Variants in PCDHA2 observed in about 807,000 individuals in gnomAD.
PCDHA2 encodes the protein protocadherin alpha 2.
In PCDHA2, 58 loss-of-function variants were observed where a neutral mutation model predicts 66.0. That is an observed-to-expected ratio of 0.88 (90% CI 0.71 to 1.09). PCDHA2 has a LOEUF of 1.09. Among genes scored for constraint, PCDHA2 ranks in the 50% least tolerant of loss-of-function variants. PCDHA2 has a pLI of 0.00. For missense variants in PCDHA2, 1,267 were observed against 1,242.3 expected, an observed-to-expected ratio of 1.02 and a Z score of -0.30; for synonymous variants, 634 against 554.0, an observed-to-expected ratio of 1.14 and a Z score of -2.03.
chr5:140,919,609 CT>C (rs2079218169), intron 1 of PCDHA2, among the ~76,000 whole-genome samples: 2 of 151,908 alleles, frequency 1.3e-5, no homozygotes, highest in South Asian at 4.1e-4. Flanking sequence ...AAATTTTAAA[CT>C]GTATCTTTTG....
rs188762939 is a variant in PCDHA2 at position 140,839,461 on chromosome 5, C to T, written c.2388+42109C>T. Among the ~76,000 whole-genome samples, 181 of 152,038 alleles carry T rather than the reference C, an allele frequency of 1.2e-3. 3 individuals carry two copies. Among genetic ancestry groups the T allele is most frequent in the Middle Eastern group, 3.4e-3 (1 of 294 alleles). On this transcript the variant is annotated intron_variant, in intron 1 of 3. Transcript: ENST00000526136. The stretch of plus-strand genomic sequence containing the variant: ...CTGCAGTGCAGTGGCACAATCTGGG[C>T]TTACTGCAATCTCTGCCTCCTGGGC...
intron 1 of PCDHA2, among the ~76,000 whole-genome samples, chr5:140,964,342 C>T (rs2095825714): frequency 6.6e-6 from 1 of 152,184 alleles, no homozygotes; most frequent in Non-Finnish European, 1.5e-5. Context: ...TGGCAGGTGT[C>T]CTTGCTGGAA....
intron 1 of PCDHA2, among the ~76,000 whole-genome samples, chr5:140,964,114 C>T (rs1227257943): frequency 6.6e-6 from 1 of 151,992 alleles, no homozygotes; most frequent in Non-Finnish European, 1.5e-5. Context: ...TGAGCAATCA[C>T]ATTCTAACAA....
rs782443070 is a variant in PCDHA2, at chr5:140,797,021, C to T, written c.2057C>T (p.Ala686Val). The T allele has an allele frequency of 1.9e-6, 3 of 1,613,716 alleles. No homozygotes were observed. The highest frequency in any genetic ancestry group is 2.5e-6 in the Non-Finnish European group (3 of 1,179,974). Residue 686 changes from alanine to valine, a missense_variant, in exon 1 of 4, where the codon GCC becomes GTC. Physicochemically the swap from Ala to Val is moderately conservative, Grantham distance 64. Coordinates refer to ENST00000526136, the MANE Select transcript of PCDHA2 (RefSeq NM_018905.3). ...PKASSRAWVG[A>V]AGSEATLVDV... ...GCCTCGTCGCGGGCGTGGGTGGGCG[C>T]CGCGGGCTCAGAGGCTACGCTGGTG...
chr5:140,850,235 G>C (rs2041450021), intron 1 of PCDHA2: 1 of 1,593,876 alleles, frequency 6.3e-7, no homozygotes, highest in African/African-American at 1.3e-5. Flanking sequence ...TGAGCGAGAT[G>C]GTGCTGCGGT....
intron 1 of PCDHA2, among the ~76,000 whole-genome samples, chr5:140,955,549 C>T (rs1216178805): frequency 6.6e-6 from 1 of 152,140 alleles, no homozygotes; most frequent in Non-Finnish European, 1.5e-5. Context: ...TTCTTGAGGC[C>T]TCCCCAGCCA....
In PCDHA2 at chr5:141,010,341, T is replaced by C. The variant is rs199826290; in HGVS notation, c.*404T>C. ...GAGCAGCTTGGGAGTTTGTGGCCAC[T>C]GGGTATGTGTGGCTACCGCGGGTAT... is the stretch of plus-strand genomic sequence containing the variant. On this transcript the variant is annotated 3_prime_UTR_variant, in exon 4 of 4. Coordinates refer to ENST00000526136, the MANE Select transcript of PCDHA2 (RefSeq NM_018905.3). 1 of 1,503,238 alleles carries C rather than the reference T, an allele frequency of 6.7e-7. No homozygotes were observed. The highest frequency in any genetic ancestry group is 8.9e-7 in the Non-Finnish European group (1 of 1,119,606). The allele number at this position is 1,503,238 out of a possible 1,614,324, so 93.1% of individuals were successfully genotyped here. A position where few individuals can be genotyped will look rare whatever the true frequency, so the allele number is the denominator to read the frequency against.
In PCDHA2 at chr5:141,011,200, A is replaced by C. The variant is rs1242625146; in HGVS notation, c.*1263A>C. 6.5e-6 allele frequency: 1 copy of C among 153,774 alleles called. No individual in the cohort carries two copies. Among genetic ancestry groups the C allele is most frequent in the Non-Finnish European group, 1.5e-5 (1 of 68,036 alleles). The allele number at this position is 153,774 out of a possible 1,614,324, so 9.5% of individuals were successfully genotyped here. ...AATTGAAGAAAAATATTGTTTTCTCATACAGTGAGCAGATTTTTCAATCTA... is the reference window on the plus strand; with the variant it reads ...AATTGAAGAAAAATATTGTTTTCTCCTACAGTGAGCAGATTTTTCAATCTA... On this transcript the variant is annotated 3_prime_UTR_variant, in exon 4 of 4. Transcript: ENST00000526136.
At chr5:140,964,783 A>C (rs2095854085) in intron 1 of PCDHA2, among the ~76,000 whole-genome samples, 1 of 152,018 alleles carries the variant, frequency 6.6e-6, no homozygotes, top group East Asian at 1.9e-4. Context: ...AAGAGGAAGA[A>C]GCCAGAGACC....
intron 1 of PCDHA2, among the ~76,000 whole-genome samples, chr5:140,879,793 C>T (rs1417873343): frequency 2.0e-5 from 3 of 152,192 alleles, no homozygotes; most frequent in Admixed American, 6.5e-5. Flanking sequence ...GTTTTTGTTT[C>T]TTCCAGTTTC....
rs182605806 is a variant in PCDHA2 at position 140,924,980 on chromosome 5, T to C, written c.2389-53969T>C. On this transcript the variant is annotated intron_variant, in intron 1 of 3. Transcript: ENST00000526136. ...TGCAAGGTGAGTGCAGTGGCTCATG[T>C]CTGTAATCCTAGCACTTTAGGAGGC... is the stretch of plus-strand genomic sequence containing the variant. Among the ~76,000 whole-genome samples, 408 of 150,900 alleles carry C rather than the reference T, an allele frequency of 2.7e-3. 2 individuals are homozygous for C. The highest frequency in any genetic ancestry group is 0.014 in the Middle Eastern group (4 of 288).
intron 1 of PCDHA2, chr5:140,853,207 G>A: frequency 2.0e-6 from 2 of 983,504 alleles, no homozygotes; most frequent in Non-Finnish European, 2.5e-6. Context: ...ATTGACGGCT[G>A]TATTGATGGG....
intron 3 of PCDHA2, among the ~76,000 whole-genome samples, chr5:140,996,311 G>T (rs191577867): frequency 2.6e-5 from 4 of 152,184 alleles, no homozygotes; most frequent in African/African-American, 7.2e-5. Context: ...ACAAAGTAAG[G>T]GGGGAGGGTA....
At chr5:140,823,459 C>T in intron 1 of PCDHA2, 1 of 1,613,438 alleles carries the variant, frequency 6.2e-7, no homozygotes. Flanking sequence ...CGACAACGCG[C>T]CGGCGCTGCT....
intron 1 of PCDHA2, chr5:140,829,748 G>A (rs1179697520): frequency 1.2e-6 from 2 of 1,613,722 alleles, no homozygotes; most frequent in East Asian, 2.2e-5. Flanking sequence ...GACGCTGCAG[G>A]TGTTCGTGCT....
intron 1 of PCDHA2, among the ~76,000 whole-genome samples, chr5:140,921,342 TA>T (rs1311011800): frequency 6.6e-6 from 1 of 152,188 alleles, no homozygotes; most frequent in African/African-American, 2.4e-5. Flanking sequence ...AATCACATAA[TA>T]TATTTGCCTA....
Position 140,805,155 on chromosome 5 carries a change from C to T in PCDHA2, c.2388+7803C>T, listed in dbSNP as rs554509196. Reference sequence around the variant, plus strand: ...CATTTTGAAGACTTTGGAATTTTCACTTCACAGATGTACTGATGCTATGCC... The same window carrying T: ...CATTTTGAAGACTTTGGAATTTTCATTTCACAGATGTACTGATGCTATGCC... On this transcript the variant is annotated intron_variant, in intron 1 of 3. Coordinates refer to ENST00000526136, the MANE Select transcript of PCDHA2 (RefSeq NM_018905.3). The T allele has an allele frequency of 1.9e-5, 30 of 1,558,348 alleles. No homozygotes were observed. The African/African-American group carries it at 3.4e-4, about 17-fold the overall frequency.
In PCDHA2 at chr5:140,796,257, C is replaced by G; in HGVS notation, c.1293C>G (p.Gly431=). ...TGGTGGTGACCGCACGGGACGGGGG[C>G]TCGCCTTCACTGTGGGCCACCACCA... ...YELVVTARDG[G]SPSLWATTSV... is the part of the protein sequence containing the mutation. The change falls in exon 1 of 4, where the codon GGC becomes GGG. Residue 431 remains glycine (G), a synonymous_variant. Transcript: ENST00000526136. The G allele has an allele frequency of 2.5e-6, 4 of 1,614,100 alleles. No homozygotes were observed. Among genetic ancestry groups the G allele is most frequent in the African/African-American group, 1.3e-5 (1 of 75,078 alleles).
At chr5:140,949,975 A>AT (rs2153688056) in intron 1 of PCDHA2, among the ~76,000 whole-genome samples, 1 of 152,044 alleles carries the variant, frequency 6.6e-6, no homozygotes, top group South Asian at 2.1e-4. Flanking sequence ...TACAGCATAC[A>AT]TACTTAACTT....
Sources: allele counts gnomAD v4.1 joint callset (sites outside exome capture counted in the v4.1 genomes callset), GRCh38; gene constraint gnomAD v4.1.1; transcripts MANE v1.5; gene names NCBI Gene and HGNC (gene_info 2026-07-23, HGNC 2026-07-21).